Variants in COL23A1 observed in about 807,000 individuals in gnomAD.
The protein encoded by COL23A1 is collagen type XXIII alpha 1 chain.
COL23A1 carries 97 observed loss-of-function variants against 99.3 expected under a neutral mutation model. The ratio of observed to expected loss-of-function variants is 0.98; its 90% CI spans 0.83 to 1.16. The LOEUF (loss-of-function observed/expected upper bound fraction) is 1.16, where lower values mean the gene tolerates loss of function less well. COL23A1 is among the 50% of genes most tolerant of loss of function. COL23A1 has a pLI of 0.00. For missense variants in COL23A1, 762 were observed against 757.4 expected, an observed-to-expected ratio of 1.01 and a Z score of -0.07; for synonymous variants, 320 against 308.2, an observed-to-expected ratio of 1.04 and a Z score of -0.40.
At chr5:178,517,908 A>G (rs901400286) in intron 2 of COL23A1, among the ~76,000 whole-genome samples, 4 of 67,438 alleles carry the variant, frequency 5.9e-5, no homozygotes. Flanking sequence ...TTTTTAATTT[A>G]TTTTTTTATT....
intron 2 of COL23A1, among the ~76,000 whole-genome samples, chr5:178,514,009 G>A (rs1174940982): frequency 2.0e-5 from 3 of 152,038 alleles, no homozygotes; most frequent in African/African-American, 7.2e-5. Flanking sequence ...TCCACCCACA[G>A]AACTTCTTCA....
At chr5:178,541,085 T>C (rs1481023752) in intron 2 of COL23A1, among the ~76,000 whole-genome samples, 1 of 152,210 alleles carries the variant, frequency 6.6e-6, no homozygotes, top group Non-Finnish European at 1.5e-5. Context: ...TATTCTATTA[T>C]CAATACTAAC....
At chr5:178,534,757 C>T (rs572489403) in intron 2 of COL23A1, among the ~76,000 whole-genome samples, 11 of 151,836 alleles carry the variant, frequency 7.2e-5, no homozygotes, top group Admixed American at 3.3e-4. Context: ...CCAGCCTGGG[C>T]GACAGAGCAA....
chr5:178,513,516 G>T lies in COL23A1; in HGVS notation c.361+47166C>A, dbSNP rs111884967. 3.9e-4 allele frequency among the ~76,000 whole-genome samples: 60 copies of T among 152,260 alleles called. 1 individual carries two copies. The highest frequency in any genetic ancestry group is 1.4e-3 in the African/African-American group (60 of 41,562). ...CAGGTCTCACCAGGCTAAAATCAAG[G>T]TGTAGGCAGGCTATGTTTCTTCCTG... On this transcript the variant is annotated intron_variant, in intron 2 of 28. Coordinates refer to ENST00000390654, the MANE Select transcript of COL23A1 (RefSeq NM_173465.4).
chr5:178,430,765 T>C lies in COL23A1; in HGVS notation c.362-123846A>G, dbSNP rs577032964. 2.0e-5 allele frequency among the ~76,000 whole-genome samples: 3 copies of C among 152,262 alleles called. No homozygotes were observed. In the South Asian group the frequency reaches 6.2e-4, roughly 32 times the overall value. On this transcript the variant is annotated intron_variant, in intron 2 of 28. Coordinates refer to ENST00000390654, the MANE Select transcript of COL23A1 (RefSeq NM_173465.4). Reference sequence around the variant, plus strand: ...TTCAACACTAGTCACATTTTCTGAGTGCTGTGTCCCAGACCCTGGGATCTG... The same window carrying C: ...TTCAACACTAGTCACATTTTCTGAGCGCTGTGTCCCAGACCCTGGGATCTG...
At position 178,469,057 on chromosome 5, in the gene COL23A1, G is replaced by A. The variant is rs1033290643; in HGVS notation, c.361+91625C>T. Among the ~76,000 whole-genome samples, 11 of 152,168 alleles carry A rather than the reference G, an allele frequency of 7.2e-5. 1 individual carries two copies. Among genetic ancestry groups the A allele is most frequent in the African/African-American group, 2.4e-4 (10 of 41,428 alleles). On this transcript the variant is annotated intron_variant, in intron 2 of 28. Transcript: ENST00000390654. ...ACTCAGCACCATGTCCTCAAGGTCC[G>A]TCCATGTTGCAGCACGTGTCAGAAT...
At chr5:178,371,811 G>A (rs2973717) in intron 2 of COL23A1, among the ~76,000 whole-genome samples, 70,613 of 152,116 alleles carry the variant, frequency 0.46, 18,586 homozygotes, top group East Asian at 0.78. Context: ...GGGCTCCACG[G>A]AGTGAATCTG....
chr5:178,339,021 A>C (rs555346472), intron 2 of COL23A1, among the ~76,000 whole-genome samples: 1 of 152,296 alleles, frequency 6.6e-6, no homozygotes, highest in South Asian at 2.1e-4. Context: ...TTTAGGCAGG[A>C]ATTCCCTTCC....
At chr5:178,363,178 A>G (rs888826258) in intron 2 of COL23A1, among the ~76,000 whole-genome samples, 5 of 151,996 alleles carry the variant, frequency 3.3e-5, no homozygotes, top group Non-Finnish European at 1.5e-5. Flanking sequence ...GTCAGACAAC[A>G]TAACTGCGGG....
At chr5:178,431,538 G>A (rs139978951) in intron 2 of COL23A1, among the ~76,000 whole-genome samples, 1 of 152,354 alleles carries the variant, frequency 6.6e-6, no homozygotes, top group Non-Finnish European at 1.5e-5. Flanking sequence ...AATCACAAAT[G>A]TCAAAGTGGA....
At chr5:178,245,074 ATCT>A (rs1764601771) in intron 25 of COL23A1, among the ~76,000 whole-genome samples, 2 of 110,922 alleles carry the variant, frequency 1.8e-5, no homozygotes, top group Middle Eastern at 6.5e-3. Context: ...TCCACTCATC[ATCT>A]ATCATCCATC....
In COL23A1 at chr5:178,580,465, CT is replaced by C. The variant is rs111280352; in HGVS notation, c.294+9438del. ...GTGACTTTCAGAGGACATCTGCAAG[CT>C]TTTTTTTTTTTCCCCAATGGTTCGT... On this transcript the variant is annotated intron_variant, in intron 1 of 28. Transcript: ENST00000390654. Among the ~76,000 whole-genome samples, 384 of 146,276 alleles carry C rather than the reference CT, an allele frequency of 2.6e-3. 2 individuals are homozygous for C. Among genetic ancestry groups the C allele is most frequent in the South Asian group, 0.013 (62 of 4,632 alleles).
In COL23A1 at chr5:178,309,061, A is replaced by G. The variant is rs2115052; in HGVS notation, c.362-2142T>C. On this transcript the variant is annotated intron_variant, in intron 2 of 28. Coordinates refer to ENST00000390654, the MANE Select transcript of COL23A1 (RefSeq NM_173465.4). This position sits in a 1 kb window ranked among gnomAD's most constrained non-coding sequence, Gnocchi z 4.7. ...GGGCATGGCAGGAAAGGGGCCAGGA[A>G]TGGGGGAAGTAGCCAGACTCTGCTA... Among the ~76,000 whole-genome samples the G allele has an allele frequency of 0.85, 128,872 of 152,162 alleles. 55,409 individuals are homozygous for G. The highest frequency in any genetic ancestry group is 0.93 in the African/African-American group (38,671 of 41,532).
At chr5:178,490,710 G>C (rs139088999) in intron 2 of COL23A1, among the ~76,000 whole-genome samples, 31 of 152,290 alleles carry the variant, frequency 2.0e-4, no homozygotes, top group African/African-American at 7.2e-4. Flanking sequence ...CTGGGAGTTT[G>C]AGACTGCAGT....
chr5:178,505,877 T>C (rs1014997638), intron 2 of COL23A1, among the ~76,000 whole-genome samples: 1 of 152,072 alleles, frequency 6.6e-6, no homozygotes, highest in African/African-American at 2.4e-5. Flanking sequence ...AGACAGAGCC[T>C]GTCAGTGAGG....
intron 2 of COL23A1, among the ~76,000 whole-genome samples, chr5:178,480,288 C>T (rs1757264660): frequency 6.6e-6 from 1 of 152,188 alleles, no homozygotes. Context: ...CTGCCTCCCT[C>T]AGACAGGTCA....
intron 2 of COL23A1, among the ~76,000 whole-genome samples, chr5:178,507,596 T>C (rs1758950352): frequency 6.6e-6 from 1 of 152,234 alleles, no homozygotes; most frequent in African/African-American, 2.4e-5. Flanking sequence ...TCCTCATTAG[T>C]TTAGAATTCT....
intron 2 of COL23A1, among the ~76,000 whole-genome samples, chr5:178,485,598 C>A (rs2127959460): frequency 6.6e-6 from 1 of 152,116 alleles, no homozygotes; most frequent in East Asian, 1.9e-4. Flanking sequence ...CATGGTGAAA[C>A]CCTGTCTCTA....
intron 15 of COL23A1, 34 bp downstream of exon 15, chr5:178,256,319 T>G: frequency 1.3e-6 from 2 of 1,559,658 alleles, no homozygotes; most frequent in Non-Finnish European, 1.7e-6. Flanking sequence ...CTAGATCTCA[T>G]CCCTGAGGCC....
Sources: gnomAD v4.1 joint callset for allele counts (sites outside exome capture counted in the v4.1 genomes callset) on GRCh38, gnomAD v4.1.1 for gene constraint, Gnocchi (gnomAD v3.1) non-coding constraint, MANE v1.5 for transcripts, NCBI Gene and HGNC (gene_info 2026-07-23, HGNC 2026-07-21) for gene names.